Variants in MEOX2 observed in about 807,000 individuals in gnomAD.
The protein encoded by MEOX2 is homeobox protein MOX-2.
Under a neutral mutation model 27.0 loss-of-function variants are expected in MEOX2, and 11 were observed. That is an observed-to-expected ratio of 0.41 (90% CI 0.26 to 0.68). MEOX2 has a LOEUF of 0.68. Ranked by LOEUF, MEOX2 falls within the 30% of genes least tolerant of loss-of-function variation. The pLI is 0.33. For synonymous variants in MEOX2, 189 were observed against 155.4 expected (o/e 1.22, Z -1.61); for missense variants, 436 against 385.4 (o/e 1.13, Z -1.10).
chr7:15,614,543 A>G (rs1347389961), intron 2 of MEOX2, among the ~76,000 whole-genome samples: 1 of 152,200 alleles, frequency 6.6e-6, no homozygotes, highest in African/African-American at 2.4e-5. Context: ...TCCCAGGTCC[A>G]TTTATTAAAT....
At chr7:15,624,539 T>C (rs1781268248) in intron 2 of MEOX2, among the ~76,000 whole-genome samples, 1 of 152,088 alleles carries the variant, frequency 6.6e-6, no homozygotes, top group Non-Finnish European at 1.5e-5. Context: ...GTTTTCCCCC[T>C]CAGTGCTCCT....
At chr7:15,684,556 G>A (rs1782347687) in intron 1 of MEOX2, among the ~76,000 whole-genome samples, 1 of 152,104 alleles carries the variant, frequency 6.6e-6, no homozygotes, top group Non-Finnish European at 1.5e-5. Flanking sequence ...CTATAGTAAC[G>A]CTGAAGAACA....
chr7:15,664,242 T>A (rs1406750454), intron 1 of MEOX2, among the ~76,000 whole-genome samples: 1 of 152,202 alleles, frequency 6.6e-6, no homozygotes, highest in African/African-American at 2.4e-5. Flanking sequence ...TGGGATATGC[T>A]TTTGGTCTTC....
intron 1 of MEOX2, among the ~76,000 whole-genome samples, chr7:15,646,570 CCTT>C (rs1274447021): frequency 2.0e-5 from 3 of 151,928 alleles, no homozygotes; most frequent in African/African-American, 7.2e-5. Flanking sequence ...TATTTTAAAT[CCTT>C]ATTATTTTAC....
intron 1 of MEOX2, among the ~76,000 whole-genome samples, chr7:15,669,307 T>C (rs1483008977): frequency 6.6e-6 from 1 of 152,262 alleles, no homozygotes; most frequent in East Asian, 1.9e-4. Flanking sequence ...GGGCACTTAT[T>C]TATATTTGGC....
chr7:15,659,515 C>T (rs556479480), intron 1 of MEOX2, among the ~76,000 whole-genome samples: 4 of 152,090 alleles, frequency 2.6e-5, no homozygotes, highest in Non-Finnish European at 5.9e-5. Context: ...AATCCCAGCA[C>T]TTTGGGAGGC....
intron 1 of MEOX2, among the ~76,000 whole-genome samples, chr7:15,637,206 A>C (rs1305984617): frequency 1.3e-5 from 2 of 152,080 alleles, no homozygotes; most frequent in African/African-American, 4.8e-5. Context: ...CTCTGCCAAG[A>C]TAGTATATAA....
chr7:15,641,876 C>T (rs1371254387), intron 1 of MEOX2, among the ~76,000 whole-genome samples: 3 of 151,996 alleles, frequency 2.0e-5, no homozygotes, highest in Non-Finnish European at 2.9e-5. Flanking sequence ...ATTTATGAAG[C>T]TCAGTTTGAC....
chr7:15,624,229 A>T (rs752657242), intron 2 of MEOX2, among the ~76,000 whole-genome samples: 25 of 152,242 alleles, frequency 1.6e-4, no homozygotes, highest in Non-Finnish European at 3.7e-4. Flanking sequence ...TTGATTAGGA[A>T]TTTAAATTCT....
At chr7:15,682,968 A>G (rs1044255810) in intron 1 of MEOX2, among the ~76,000 whole-genome samples, 2 of 152,004 alleles carry the variant, frequency 1.3e-5, no homozygotes, top group African/African-American at 4.8e-5. Flanking sequence ...TCAATTGTCA[A>G]TAAACTTACA....
At chr7:15,659,845 T>C (rs2115382776) in intron 1 of MEOX2, among the ~76,000 whole-genome samples, 1 of 152,168 alleles carries the variant, frequency 6.6e-6, no homozygotes, top group South Asian at 2.1e-4. Context: ...TTATTCGCTT[T>C]CCACAATTAT....
intron 1 of MEOX2, among the ~76,000 whole-genome samples, chr7:15,684,307 T>A (rs1406159656): frequency 4.6e-5 from 7 of 152,226 alleles, no homozygotes; most frequent in Non-Finnish European, 8.8e-5. Flanking sequence ...TATGAAATTG[T>A]CACTGCATTC....
At chr7:15,657,064 A>G (rs564649090) in intron 1 of MEOX2, among the ~76,000 whole-genome samples, 1 of 152,270 alleles carries the variant, frequency 6.6e-6, no homozygotes, top group South Asian at 2.1e-4. Context: ...CTATCATTGA[A>G]AAATTGCTCT....
intron 1 of MEOX2, among the ~76,000 whole-genome samples, chr7:15,652,502 G>A (rs541939183): frequency 2.1e-4 from 32 of 151,968 alleles, no homozygotes; most frequent in Non-Finnish European, 4.0e-4. Context: ...TATCTAAGAA[G>A]AGTATAAAGC....
At chr7:15,667,364 A>G (rs976027738) in intron 1 of MEOX2, among the ~76,000 whole-genome samples, 3 of 149,196 alleles carry the variant, frequency 2.0e-5, no homozygotes, top group African/African-American at 7.4e-5. Flanking sequence ...CTTTTCCTGG[A>G]AACTCCCTGG....
intron 1 of MEOX2, among the ~76,000 whole-genome samples, chr7:15,650,292 C>G (rs1474255040): frequency 6.6e-6 from 1 of 152,004 alleles, no homozygotes. Context: ...TTCTCCATAC[C>G]CCATAACTTA....
At chr7:15,683,349 C>A (rs1782322515) in intron 1 of MEOX2, among the ~76,000 whole-genome samples, 1 of 151,952 alleles carries the variant, frequency 6.6e-6, no homozygotes, top group African/African-American at 2.4e-5. Context: ...AACTACCTAA[C>A]AAAATACAAA....
chr7:15,670,147 A>G (rs148626757), intron 1 of MEOX2, among the ~76,000 whole-genome samples: 19 of 152,286 alleles, frequency 1.2e-4, no homozygotes, highest in African/African-American at 4.3e-4. Context: ...CTACAATTCA[A>G]TGATTTCATA....
rs574423063 is a variant in MEOX2 at position 15,612,348 on chromosome 7, C to T, written c.*39G>A. The T allele has an allele frequency of 1.4e-4, 210 of 1,538,418 alleles. No homozygotes were observed. Among genetic ancestry groups the T allele is most frequent in the Non-Finnish European group, 1.8e-4 (200 of 1,112,270 alleles). ...ATTTGGGTAAGGCTTGCCATCACAA[C>T]ATTTCTTTCCTGAGAATGGAGCTGG... On this transcript the variant is annotated 3_prime_UTR_variant, in exon 3 of 3. Transcript: ENST00000262041.
Sources: allele counts gnomAD v4.1 joint callset (sites outside exome capture counted in the v4.1 genomes callset), GRCh38; gene constraint gnomAD v4.1.1; transcripts MANE v1.5; gene names NCBI Gene and HGNC (gene_info 2026-07-23, HGNC 2026-07-21).